The following ST3GAL1 variants were observed in gnomAD, a reference collection of about 807,000 sequenced individuals.
ST3GAL1 encodes ST3 beta-galactoside alpha-2,3-sialyltransferase 1.
A neutral mutation model predicts 34.1 loss-of-function variants in ST3GAL1; 16 were observed. That is an observed-to-expected ratio of 0.47 (90% CI 0.32 to 0.71). The LOEUF (loss-of-function observed/expected upper bound fraction) is 0.71. Ranked by LOEUF, ST3GAL1 falls within the 30% of genes least tolerant of loss-of-function variation. The pLI, the probability that ST3GAL1 is intolerant of heterozygous loss-of-function variation, is 0.04. For missense variants in ST3GAL1, 353 were observed against 447.4 expected (o/e 0.79, Z 1.90); for synonymous variants, 191 against 184.7 (o/e 1.03, Z -0.28).
At chr8:133,499,335 T>C (rs1426576990) in intron 2 of ST3GAL1, 146 bp from the exon 3 acceptor site, 2 of 152,122 alleles carry the variant, frequency 1.3e-5, no homozygotes, top group African/African-American at 4.8e-5. Flanking sequence ...TTCAAGCCAC[T>C]CAGTGTGGGG....
rs138900206 is a variant in ST3GAL1, at chr8:133,557,462, G to GT, written c.-581-11537dup. ...CTGAGTGGTAATGCAGGCCTTGGCA[G>GT]TATCACCCCACGGGCTGGCCTCCTA... On this transcript the variant is annotated intron_variant, in intron 1 of 9. Coordinates refer to ENST00000522652, the MANE Select transcript of ST3GAL1 (RefSeq NM_173344.3). Among the ~76,000 whole-genome samples the GT allele has an allele frequency of 7.6e-3, 1,165 of 152,300 alleles. 12 individuals are homozygous for GT. The highest frequency in any genetic ancestry group is 0.027 in the African/African-American group (1,114 of 41,568).
chr8:133,567,554 G>A (rs1819440042), intron 1 of ST3GAL1, among the ~76,000 whole-genome samples: 1 of 152,196 alleles, frequency 6.6e-6, no homozygotes, highest in East Asian at 1.9e-4. Flanking sequence ...GATCACTGGG[G>A]TTCCTTCTGC....
intron 2 of ST3GAL1, among the ~76,000 whole-genome samples, chr8:133,530,159 T>C (rs983597025): frequency 3.3e-5 from 5 of 152,068 alleles, no homozygotes; most frequent in African/African-American, 7.3e-5. Flanking sequence ...GGGGGTGACA[T>C]GGTGGGTCTT....
At chr8:133,528,557 G>C (rs868024933) in intron 2 of ST3GAL1, among the ~76,000 whole-genome samples, 1 of 152,198 alleles carries the variant, frequency 6.6e-6, no homozygotes, top group African/African-American at 2.4e-5. Context: ...TCAAGACCAG[G>C]GGTCATCGAA....
intron 2 of ST3GAL1, among the ~76,000 whole-genome samples, chr8:133,523,211 G>A (rs987284971): frequency 1.3e-5 from 2 of 152,196 alleles, no homozygotes; most frequent in Admixed American, 6.5e-5. Flanking sequence ...CTCTTCTGTG[G>A]GGGGTTGCTA....
chr8:133,481,579 T>A (rs1816393368), intron 3 of ST3GAL1, among the ~76,000 whole-genome samples: 1 of 152,144 alleles, frequency 6.6e-6, no homozygotes, highest in African/African-American at 2.4e-5. Flanking sequence ...CACTATTACC[T>A]CCACCTCCTG....
At chr8:133,523,368 A>G (rs1817868362) in intron 2 of ST3GAL1, among the ~76,000 whole-genome samples, 1 of 152,208 alleles carries the variant, frequency 6.6e-6, no homozygotes, top group African/African-American at 2.4e-5. Context: ...GAAGCAGTAC[A>G]GAGATTCCAC....
At chr8:133,531,084 C>T (rs1003210276) in intron 2 of ST3GAL1, among the ~76,000 whole-genome samples, 1 of 151,546 alleles carries the variant, frequency 6.6e-6, no homozygotes, top group African/African-American at 2.4e-5. Context: ...GGCTGTCCCC[C>T]GCTCTTAGTA....
In ST3GAL1 at chr8:133,459,577, G is replaced by A. The variant is rs925236643; in HGVS notation, c.*187C>T. 8.7e-6 allele frequency: 5 copies of A among 576,214 alleles called. No homozygotes were observed. Among genetic ancestry groups the A allele is most frequent in the Admixed American group, 3.9e-5 (1 of 25,544 alleles). The allele number at this position is 576,214 out of a possible 1,614,324, so 35.7% of individuals were successfully genotyped here. On this transcript the variant is annotated 3_prime_UTR_variant, in exon 10 of 10. Coordinates refer to ENST00000522652, the MANE Select transcript of ST3GAL1 (RefSeq NM_173344.3). This position sits in a 1 kb window ranked among gnomAD's most constrained non-coding sequence, Gnocchi z 4.7. ...CAGGTTCCAAGACATGCTCTGCCAC[G>A]CTGGCAGAGCTTAGTGACCTTGCTG...
At chr8:133,545,046 G>A (rs1818639649) in intron 2 of ST3GAL1, among the ~76,000 whole-genome samples, 1 of 152,134 alleles carries the variant, frequency 6.6e-6, no homozygotes, top group Non-Finnish European at 1.5e-5. Context: ...ACTATCCATG[G>A]GTACCCATAA....
intron 2 of ST3GAL1, among the ~76,000 whole-genome samples, chr8:133,545,023 G>A (rs1300165788): frequency 6.6e-6 from 1 of 152,216 alleles, no homozygotes; most frequent in Non-Finnish European, 1.5e-5. Context: ...TGATAAAAAT[G>A]TCCTCTCTCT....
chr8:133,525,314 C>T (rs1196158997), intron 2 of ST3GAL1, among the ~76,000 whole-genome samples: 1 of 152,230 alleles, frequency 6.6e-6, no homozygotes, highest in Non-Finnish European at 1.5e-5. Context: ...TAGCTCCTTC[C>T]TGCAGCTGGT....
chr8:133,556,204 C>G lies in ST3GAL1; in HGVS notation c.-581-10278G>C, dbSNP rs116252711. ...AGCCACCATGCCCAGCTTGTTTTTT[C>G]TTTTTGAATCTCCACTCTCACCCAG... On this transcript the variant is annotated intron_variant, in intron 1 of 9. Transcript: ENST00000522652. The surrounding 1 kb of genome is among the most constrained non-coding windows in gnomAD (Gnocchi z 8.9). Among the ~76,000 whole-genome samples, 849 of 152,102 alleles carry G rather than the reference C, an allele frequency of 5.6e-3. 15 individuals carry two copies. Among genetic ancestry groups the G allele is most frequent in the African/African-American group, 0.02 (818 of 41,492 alleles).
intron 5 of ST3GAL1, among the ~76,000 whole-genome samples, chr8:133,472,851 T>C (rs563384238): frequency 2.1e-5 from 3 of 144,986 alleles, no homozygotes; most frequent in South Asian, 2.2e-4. Flanking sequence ...CCTTAATTAG[T>C]ACTGAAAAAA....
intron 2 of ST3GAL1, among the ~76,000 whole-genome samples, chr8:133,534,070 A>G (rs1818234235): frequency 6.6e-6 from 1 of 152,048 alleles, no homozygotes; most frequent in Non-Finnish European, 1.5e-5. Context: ...AACGGGCCCA[A>G]CCCCCAAGGA....
rs1047710803 is a variant in ST3GAL1, at chr8:133,556,441, G to A, written c.-581-10515C>T. Among the ~76,000 whole-genome samples, 5 of 152,124 alleles carry A rather than the reference G, an allele frequency of 3.3e-5. No homozygotes were observed. The East Asian group carries it at 9.7e-4, about 29-fold the overall frequency. ...TTTGCTTTCAGAGGAGTGAGATGCT[G>A]GCAGGCTGTACAGCTGTCCTCTGGG... On this transcript the variant is annotated intron_variant, in intron 1 of 9. Coordinates refer to ENST00000522652, the MANE Select transcript of ST3GAL1 (RefSeq NM_173344.3). This position sits in a 1 kb window ranked among gnomAD's most constrained non-coding sequence, Gnocchi z 8.9.
chr8:133,493,634 C>T (rs982890199), intron 3 of ST3GAL1, among the ~76,000 whole-genome samples: 1 of 152,182 alleles, frequency 6.6e-6, no homozygotes, highest in Non-Finnish European at 1.5e-5. Flanking sequence ...ACCACAAGGT[C>T]AGGAGTTTGA....
At chr8:133,544,050 A>C (rs963191401) in intron 2 of ST3GAL1, 1 of 152,250 alleles carries the variant, frequency 6.6e-6, no homozygotes, top group Non-Finnish European at 1.5e-5. Context: ...AATACATATC[A>C]ATTGGATCTT....
intron 5 of ST3GAL1, among the ~76,000 whole-genome samples, chr8:133,473,162 C>T (rs1023942147): frequency 2.0e-5 from 3 of 152,096 alleles, no homozygotes; most frequent in African/African-American, 7.2e-5. Flanking sequence ...TGATGTTTTT[C>T]CCTTACGCCT....
Sources: allele counts gnomAD v4.1 joint callset (sites outside exome capture counted in the v4.1 genomes callset), GRCh38; gene constraint gnomAD v4.1.1; non-coding constraint Gnocchi (gnomAD v3.1); transcripts MANE v1.5; gene names NCBI Gene and HGNC (gene_info 2026-07-23, HGNC 2026-07-21).